The following RNF180 variants were observed in gnomAD, a reference collection of about 807,000 sequenced individuals.
RNF180 encodes the protein E3 ubiquitin-protein ligase RNF180.
A neutral mutation model predicts 59.2 loss-of-function variants in RNF180; 38 were observed. The ratio of observed to expected loss-of-function variants is 0.64; its 90% confidence interval spans 0.50 to 0.84. The LOEUF (loss-of-function observed/expected upper bound fraction) is 0.84, where lower values mean the gene tolerates loss of function less well. Ranked by LOEUF, RNF180 falls within the 40% of genes least tolerant of loss-of-function variation. RNF180 has a pLI of 0.00. For synonymous variants in RNF180, 262 were observed against 240.3 expected (o/e 1.09, Z -0.84); for missense variants, 705 against 700.9 (o/e 1.01, Z -0.07).
At position 64,267,643 on chromosome 5, in the gene RNF180, G is replaced by A. The variant is rs372934276; in HGVS notation, c.1227+50247G>A. On this transcript the variant is annotated intron_variant, in intron 5 of 7. Coordinates refer to ENST00000389100, the MANE Select transcript of RNF180 (RefSeq NM_001113561.2). Reference sequence around the variant, plus strand: ...TTGAGATAGTTTACTGAGAATGATGGTTTCCAATTTCATCCATGTCCCTAC... The same window carrying A: ...TTGAGATAGTTTACTGAGAATGATGATTTCCAATTTCATCCATGTCCCTAC... 1.6e-4 allele frequency among the ~76,000 whole-genome samples: 25 copies of A among 151,984 alleles called. No individual in the cohort carries two copies. In the East Asian group the frequency reaches 4.1e-3, roughly 25 times the overall value.
intron 5 of RNF180, among the ~76,000 whole-genome samples, chr5:64,282,595 G>C (rs1580174509): frequency 6.6e-6 from 1 of 152,020 alleles, no homozygotes. Flanking sequence ...TTGTTTTGCT[G>C]TTATTTCTCT....
intron 7 of RNF180, among the ~76,000 whole-genome samples, chr5:64,362,248 C>T (rs1431751567): frequency 6.6e-6 from 1 of 151,562 alleles, no homozygotes; most frequent in African/African-American, 2.4e-5. Context: ...CACCCTTTGC[C>T]TTCTGATAGG....
intron 5 of RNF180, among the ~76,000 whole-genome samples, chr5:64,304,101 A>G (rs909446071): frequency 2.0e-5 from 3 of 151,606 alleles, no homozygotes; most frequent in African/African-American, 7.3e-5. Context: ...GGTATACTGA[A>G]TATTTTAAGC....
intron 5 of RNF180, among the ~76,000 whole-genome samples, chr5:64,289,058 A>C (rs916047846): frequency 1.1e-4 from 17 of 152,134 alleles, no homozygotes; most frequent in Admixed American, 1.1e-3. Flanking sequence ...ATTTTGAGGT[A>C]TGTTCCTTCA....
At chr5:64,365,783 A>G (rs947693312) in intron 7 of RNF180, among the ~76,000 whole-genome samples, 1 of 151,620 alleles carries the variant, frequency 6.6e-6, no homozygotes, top group African/African-American at 2.4e-5. Flanking sequence ...TTGTGAAACT[A>G]TGATTGCAAC....
chr5:64,275,439 G>A (rs1054771503), intron 5 of RNF180, among the ~76,000 whole-genome samples: 1 of 151,122 alleles, frequency 6.6e-6, no homozygotes, highest in African/African-American at 2.4e-5. Flanking sequence ...TGTGTGTGAA[G>A]AGGTTAAATG....
intron 5 of RNF180, among the ~76,000 whole-genome samples, chr5:64,307,078 A>G (rs1743508969): frequency 6.6e-6 from 1 of 150,610 alleles, no homozygotes; most frequent in East Asian, 1.9e-4. Flanking sequence ...TAAAAAGCTT[A>G]ACTGTGAGCC....
chr5:64,177,905 T>C (rs933937171), intron 1 of RNF180, among the ~76,000 whole-genome samples: 1 of 152,016 alleles, frequency 6.6e-6, no homozygotes, highest in Non-Finnish European at 1.5e-5. Context: ...ATGGAAACTA[T>C]GTAGAAAAGG....
chr5:64,244,108 G>A (rs1432171051), intron 5 of RNF180, among the ~76,000 whole-genome samples: 1 of 152,014 alleles, frequency 6.6e-6, no homozygotes, highest in African/African-American at 2.4e-5. Context: ...CAAAACCGAA[G>A]GTAGATAAAT....
chr5:64,285,287 G>A (rs573986029), intron 5 of RNF180, among the ~76,000 whole-genome samples: 133 of 152,312 alleles, frequency 8.7e-4, no homozygotes, highest in African/African-American at 3.1e-3. Context: ...AGCAGAACCT[G>A]TGCTCACTCA....
chr5:64,225,840 A>ACCCCACAGCTCCGAAGAGGC (rs2112173044), intron 5 of RNF180, among the ~76,000 whole-genome samples: 1 of 90,586 alleles, frequency 1.1e-5, no homozygotes, highest in South Asian at 4.1e-4. Context: ...GTCTGGGATG[A>ACCCCACAGCTCCGAAGAGGC]AGCGAGCGCC....
intron 5 of RNF180, among the ~76,000 whole-genome samples, chr5:64,292,776 G>A (rs1742670849): frequency 6.6e-6 from 1 of 152,166 alleles, no homozygotes. Context: ...CCCCCATGGG[G>A]CTTCATTCCA....
rs148856973 is a variant in RNF180 at position 64,321,879 on chromosome 5, C to T, written c.1228-3307C>T. On this transcript the variant is annotated intron_variant, in intron 5 of 7. Coordinates refer to ENST00000389100, the MANE Select transcript of RNF180 (RefSeq NM_001113561.2). ...CACACATCTACAACCATCTGATCTT[C>T]GACAAACCTGATAAAAACAAGCAAT... Among the ~76,000 whole-genome samples, 157 of 152,176 alleles carry T rather than the reference C, an allele frequency of 1.0e-3. 1 individual carries two copies. The Middle Eastern group carries it at 0.014, about 13-fold the overall frequency.
chr5:64,322,607 G>GTGTGTGTGTGTGTC (rs1288178526), intron 5 of RNF180, among the ~76,000 whole-genome samples: 1 of 72,996 alleles, frequency 1.4e-5, no homozygotes, highest in Non-Finnish European at 2.9e-5. Context: ...ATATACGTGT[G>GTGTGTGTGTGTGTC]TGTGTGTGTG....
chr5:64,345,987 A>ATT (rs139053855), intron 7 of RNF180, among the ~76,000 whole-genome samples: 2 of 151,224 alleles, frequency 1.3e-5, no homozygotes, highest in African/African-American at 4.9e-5. Flanking sequence ...GCAATCATTG[A>ATT]TTTTTTTTTA....
chr5:64,196,792 T>G (rs1751477492), intron 1 of RNF180, among the ~76,000 whole-genome samples: 1 of 152,090 alleles, frequency 6.6e-6, no homozygotes, highest in Non-Finnish European at 1.5e-5. Context: ...GAGGAGCTGT[T>G]TTTTCTTTTC....
intron 5 of RNF180, among the ~76,000 whole-genome samples, chr5:64,324,054 AT>A (rs1463647066): frequency 6.6e-6 from 1 of 152,162 alleles, no homozygotes; most frequent in East Asian, 1.9e-4. Context: ...AACACCACCA[AT>A]TTTACCATAG....
At chr5:64,283,140 T>C (rs74403775) in intron 5 of RNF180, among the ~76,000 whole-genome samples, 23 of 152,356 alleles carry the variant, frequency 1.5e-4, no homozygotes, top group Non-Finnish European at 3.1e-4. Flanking sequence ...TAAGGTTCTT[T>C]ATAGGTCTCT....
chr5:64,196,745 AT>A (rs1751475729), intron 1 of RNF180, among the ~76,000 whole-genome samples: 1 of 152,088 alleles, frequency 6.6e-6, no homozygotes, highest in African/African-American at 2.4e-5. Flanking sequence ...TGTCTAGTTA[AT>A]ATATCAAAGT....
Sources: allele counts gnomAD v4.1 joint callset (sites outside exome capture counted in the v4.1 genomes callset), GRCh38; gene constraint gnomAD v4.1.1; transcripts MANE v1.5; gene names NCBI Gene and HGNC (gene_info 2026-07-23, HGNC 2026-07-21).